FARS2: variants seen among roughly 807,000 people sequenced by gnomAD.
FARS2 encodes the protein phenylalanine--tRNA ligase, mitochondrial.
Under a neutral mutation model 46.4 loss-of-function variants are expected in FARS2, and 40 were observed. That is an observed-to-expected ratio of 0.86 (90% confidence interval 0.67 to 1.12). FARS2 has a LOEUF of 1.12. Among genes scored for constraint, FARS2 ranks in the 50% most tolerant of loss-of-function variants. FARS2 has a pLI of 0.00. For synonymous variants in FARS2, 234 were observed against 214.9 expected (o/e 1.09, Z -0.78); for missense variants, 513 against 567.9 (o/e 0.90, Z 0.98).
intron 1 of FARS2, among the ~76,000 whole-genome samples, chr6:5,326,523 G>C (rs1384866094): frequency 6.6e-6 from 1 of 152,210 alleles, no homozygotes; most frequent in Non-Finnish European, 1.5e-5. Flanking sequence ...TATTTAGCCA[G>C]GGCAGGTCTG....
intron 4 of FARS2, among the ~76,000 whole-genome samples, chr6:5,510,592 G>A (rs372146738): frequency 6.6e-6 from 1 of 152,232 alleles, no homozygotes; most frequent in African/African-American, 2.4e-5. Flanking sequence ...AGCTGTTTGT[G>A]TGCGGAGCCT....
chr6:5,705,268 G>T (rs992682989), intron 6 of FARS2, among the ~76,000 whole-genome samples: 1 of 152,210 alleles, frequency 6.6e-6, no homozygotes, highest in African/African-American at 2.4e-5. Context: ...CCCAGGTAGC[G>T]AAATATTAGA....
intron 4 of FARS2, among the ~76,000 whole-genome samples, chr6:5,500,169 T>C (rs981996210): frequency 3.3e-5 from 5 of 152,192 alleles, no homozygotes; most frequent in Admixed American, 6.5e-5. Flanking sequence ...TATTATTTCA[T>C]TGTGCTGCCT....
At chr6:5,575,073 C>G (rs547078319) in intron 5 of FARS2, among the ~76,000 whole-genome samples, 1 of 152,190 alleles carries the variant, frequency 6.6e-6, no homozygotes, top group African/African-American at 2.4e-5. Context: ...CACTATAACT[C>G]AAACATGAGT....
At chr6:5,320,793 C>T (rs141942490) in intron 1 of FARS2, among the ~76,000 whole-genome samples, 1 of 152,266 alleles carries the variant, frequency 6.6e-6, no homozygotes, top group Non-Finnish European at 1.5e-5. Flanking sequence ...CTCACAGTTC[C>T]AGAGGCTGAG....
intron 2 of FARS2, among the ~76,000 whole-genome samples, chr6:5,383,071 A>T (rs1021078082): frequency 6.6e-6 from 1 of 152,216 alleles, no homozygotes; most frequent in Non-Finnish European, 1.5e-5. Flanking sequence ...TCCAGTAATG[A>T]TGTTTAATGA....
intron 3 of FARS2, among the ~76,000 whole-genome samples, chr6:5,418,805 T>TG (rs979638006): frequency 3.3e-5 from 5 of 152,168 alleles, no homozygotes; most frequent in East Asian, 1.9e-4. Flanking sequence ...CTCACCCCTC[T>TG]GGGGGGTCTG....
chr6:5,523,985 C>A (rs1035947717), intron 4 of FARS2, among the ~76,000 whole-genome samples: 3 of 152,090 alleles, frequency 2.0e-5, no homozygotes, highest in African/African-American at 7.2e-5. Context: ...TTTCCAAGAA[C>A]ATGATGAATT....
chr6:5,699,431 G>A (rs1265096798), intron 6 of FARS2, among the ~76,000 whole-genome samples: 1 of 152,048 alleles, frequency 6.6e-6, no homozygotes, highest in East Asian at 1.9e-4. Flanking sequence ...ATCAGCTGGG[G>A]TCTTGCTAAA....
Position 5,441,111 on chromosome 6 carries a change from C to T in FARS2, c.904+9939C>T, listed in dbSNP as rs140159267. Among the ~76,000 whole-genome samples, 272 of 151,346 alleles carry T rather than the reference C, an allele frequency of 1.8e-3. 2 individuals carry two copies. The highest frequency in any genetic ancestry group is 5.5e-3 in the African/African-American group (225 of 41,210). On this transcript the variant is annotated intron_variant, in intron 4 of 6. Transcript: ENST00000274680. ...TAATTTTTGTATTTTTAGTAGAGACCGGATTTCACCATTTTGGCCAGGCTG... is the reference window on the plus strand; with the variant it reads ...TAATTTTTGTATTTTTAGTAGAGACTGGATTTCACCATTTTGGCCAGGCTG...
At position 5,599,959 on chromosome 6, in the gene FARS2, C is replaced by T. The variant is rs1266272561; in HGVS notation, c.1066-13210C>T. Among the ~76,000 whole-genome samples, 5 of 152,086 alleles carry T rather than the reference C, an allele frequency of 3.3e-5. No homozygotes were observed. In the East Asian group the frequency reaches 7.7e-4, roughly 23 times the overall value. On this transcript the variant is annotated intron_variant, in intron 5 of 6. Coordinates refer to ENST00000274680, the MANE Select transcript of FARS2 (RefSeq NM_006567.5). ...AACCTTGCTTCAGACCCTAAGTCCCCATGAAGATTTTGGAGCCACATGCAA... is the reference window on the plus strand; with the variant it reads ...AACCTTGCTTCAGACCCTAAGTCCCTATGAAGATTTTGGAGCCACATGCAA...
chr6:5,594,795 A>G (rs1490857471), intron 5 of FARS2, among the ~76,000 whole-genome samples: 1 of 152,152 alleles, frequency 6.6e-6, no homozygotes, highest in Non-Finnish European at 1.5e-5. Flanking sequence ...CTGTGCTGGC[A>G]TCTCTGAGGA....
chr6:5,607,172 A>G (rs1268680402), intron 5 of FARS2, among the ~76,000 whole-genome samples: 2 of 152,174 alleles, frequency 1.3e-5, no homozygotes, highest in African/African-American at 4.8e-5. Context: ...CTAGACAAGA[A>G]TAACCAGGAA....
intron 6 of FARS2, among the ~76,000 whole-genome samples, chr6:5,751,050 C>A (rs983337443): frequency 6.6e-6 from 1 of 152,064 alleles, no homozygotes; most frequent in Non-Finnish European, 1.5e-5. Context: ...ATCCTAACAC[C>A]ATATACTGTT....
In FARS2 at chr6:5,640,092, T is replaced by G. The variant is rs146283872; in HGVS notation, c.1217+26772T>G. Among the ~76,000 whole-genome samples the G allele has an allele frequency of 4.9e-3, 750 of 152,278 alleles. 5 individuals are homozygous for G. Among genetic ancestry groups the G allele is most frequent in the Middle Eastern group, 0.02 (6 of 294 alleles). ...TGTTTAACTTTTGGGGGAGTGTGTG[T>G]GTTTCAAGTCCCTTTTTCCTTTAAT... On this transcript the variant is annotated intron_variant, in intron 6 of 6. Coordinates refer to ENST00000274680, the MANE Select transcript of FARS2 (RefSeq NM_006567.5).
At chr6:5,341,511 A>G (rs1771652566) in intron 1 of FARS2, among the ~76,000 whole-genome samples, 1 of 150,574 alleles carries the variant, frequency 6.6e-6, no homozygotes, top group South Asian at 2.1e-4. Flanking sequence ...TTATTTATTT[A>G]TTATTTTATT....
intron 5 of FARS2, among the ~76,000 whole-genome samples, chr6:5,547,341 T>C (rs1161483668): frequency 6.6e-6 from 1 of 152,126 alleles, no homozygotes; most frequent in Non-Finnish European, 1.5e-5. Context: ...CCCTTCCTAA[T>C]CATGGCTTAC....
chr6:5,450,276 T>C (rs368133127), intron 4 of FARS2, among the ~76,000 whole-genome samples: 2 of 151,882 alleles, frequency 1.3e-5, no homozygotes, highest in East Asian at 3.9e-4. Context: ...GGAGGTGGCA[T>C]CTAGTGTGAC....
chr6:5,611,642 A>G (rs1485000311), intron 5 of FARS2, among the ~76,000 whole-genome samples: 1 of 152,224 alleles, frequency 6.6e-6, no homozygotes, highest in Non-Finnish European at 1.5e-5. Context: ...TAGGCTTGCA[A>G]TATAATAAGC....
Sources: allele counts gnomAD v4.1 joint callset (sites outside exome capture counted in the v4.1 genomes callset), GRCh38; gene constraint gnomAD v4.1.1; transcripts MANE v1.5; gene names NCBI Gene and HGNC (gene_info 2026-07-23, HGNC 2026-07-21).